Variants in AGO3 observed in about 807,000 individuals in gnomAD.
The protein encoded by AGO3 is protein argonaute-3.
A neutral mutation model predicts 105.5 loss-of-function variants in AGO3; 16 were observed. The ratio of observed to expected loss-of-function variants is 0.15; its 90% CI spans 0.10 to 0.23. The LOEUF (loss-of-function observed/expected upper bound fraction) is 0.23, where lower values mean the gene tolerates loss of function less well. AGO3 is among the 10% of genes least tolerant of loss of function. The pLI is 1.00. For missense variants in AGO3, 534 were observed against 1,088.0 expected (o/e 0.49, Z 7.16); for synonymous variants, 340 against 367.3 (o/e 0.93, Z 0.85).
At chr1:36,054,095 C>T (rs1231659948) in intron 17 of AGO3, among the ~76,000 whole-genome samples, 1 of 152,070 alleles carries the variant, frequency 6.6e-6, no homozygotes, top group African/African-American at 2.4e-5. Context: ...CCTCAGCCTC[C>T]CCAAAGTGCT....
Position 36,008,960 on chromosome 1 carries a change from A to G in AGO3, c.945A>G (p.Glu315=). Residue 315 remains glutamate (E), a synonymous_variant, in exon 8 of 19, where the codon GAA becomes GAG. Coordinates refer to ENST00000373191, the MANE Select transcript of AGO3 (RefSeq NM_024852.4). The surrounding 1 kb of genome is among the most constrained non-coding windows in gnomAD (Gnocchi z 5.1). ...GAACAGTAGCGCAGTATTTCAGAGA[A>G]AAGTATACTCTTCAGCTGAAGTACC... ...VERTVAQYFR[E]KYTLQLKYPH... 3 of 1,613,726 alleles carry G rather than the reference A, an allele frequency of 1.9e-6. No individual in the cohort carries two copies. Among genetic ancestry groups the G allele is most frequent in the Non-Finnish European group, 2.5e-6 (3 of 1,179,964 alleles).
intron 5 of AGO3, among the ~76,000 whole-genome samples, chr1:35,978,844 T>C (rs1646998559): frequency 1.3e-5 from 2 of 152,238 alleles, no homozygotes; most frequent in Non-Finnish European, 2.9e-5. Context: ...ATTATTTTTC[T>C]GGTGATCACT....
At chr1:35,982,790 GA>G (rs968292463) in intron 5 of AGO3, 433 of 500,172 alleles carry the variant, frequency 8.7e-4, no homozygotes, top group South Asian at 5.2e-4. Flanking sequence ...ACCATGTCCA[GA>G]AAAAAAAAAC....
intron 1 of AGO3, among the ~76,000 whole-genome samples, chr1:35,944,792 C>T (rs1385416547): frequency 1.3e-5 from 2 of 151,966 alleles, no homozygotes; most frequent in African/African-American, 2.4e-5. Context: ...ACGTGAGGCA[C>T]TGCACCCAGC....
At chr1:36,049,016 A>G (rs1051205949) in intron 17 of AGO3, among the ~76,000 whole-genome samples, 4 of 152,182 alleles carry the variant, frequency 2.6e-5, no homozygotes, top group Admixed American at 6.6e-5. Flanking sequence ...CACTGAATGA[A>G]TTTTTTAAAA....
At chr1:35,931,017 A>G (rs949261583), upstream of AGO3, 14 of 362,782 alleles carry the variant, frequency 3.9e-5, no homozygotes, top group Non-Finnish European at 4.9e-5. Context: ...TCGCTCCGGC[A>G]CGGCTCGGGG....
intron 5 of AGO3, among the ~76,000 whole-genome samples, chr1:35,977,111 T>A (rs1191725842): frequency 1.3e-5 from 2 of 151,766 alleles, no homozygotes; most frequent in African/African-American, 4.8e-5. Context: ...ATAATTGGAT[T>A]GTTGGTAACA....
intron 6 of AGO3, 90 bp downstream of exon 6, chr1:36,004,565 CTA>C: frequency 2.5e-6 from 3 of 1,184,246 alleles, no homozygotes; most frequent in Non-Finnish European, 3.3e-6. Flanking sequence ...TAATTAAAAT[CTA>C]TGTAACATAA....
intron 17 of AGO3, among the ~76,000 whole-genome samples, chr1:36,049,314 T>A (rs1642603869): frequency 6.6e-6 from 1 of 152,038 alleles, no homozygotes; most frequent in Non-Finnish European, 1.5e-5. Context: ...GGTCAAGAGA[T>A]CAAGACTGTC....
rs1038190242 is a variant in AGO3, at chr1:35,970,932, G to A, written c.313-1092G>A. 9.3e-5 allele frequency among the ~76,000 whole-genome samples: 14 copies of A among 150,922 alleles called. No individual in the cohort carries two copies. In the East Asian group the frequency reaches 2.7e-3, roughly 29 times the overall value. ...TGTAGAGACTAGGTCTTGCTCTGTT[G>A]CCTGGGTTGGTTTAAAATTCCCTGG... is the stretch of plus-strand genomic sequence containing the variant. On this transcript the variant is annotated intron_variant, in intron 3 of 18. Transcript: ENST00000373191.
In AGO3 at chr1:35,953,628, C is replaced by T. The variant is rs544922680; in HGVS notation, c.191+7765C>T. ...GCAACTTCCACCTCCCAGGTTCAAG[C>T]GATTCTCCTGCCTCAGCCTCCCAAG... On this transcript the variant is annotated intron_variant, in intron 2 of 18. Coordinates refer to ENST00000373191, the MANE Select transcript of AGO3 (RefSeq NM_024852.4). Among the ~76,000 whole-genome samples the T allele has an allele frequency of 2.5e-4, 37 of 150,336 alleles. No homozygotes were observed. In the East Asian group the frequency reaches 4.0e-3, roughly 16 times the overall value.
Position 36,064,178 on chromosome 1 carries a change from G to C in AGO3, c.*8433G>C, listed in dbSNP as rs189821159. 1 of 152,492 alleles carries C rather than the reference G, an allele frequency of 6.6e-6. No individual in the cohort carries two copies. Among genetic ancestry groups the C allele is most frequent in the Non-Finnish European group, 1.5e-5 (1 of 68,162 alleles). 9.4% of individuals were successfully genotyped at this position (152,492 alleles called of 1,614,324 possible). ...GCAGACCACCTGAGGTCAGGGGTTC[G>C]TGACCAGCCTGGCCAACATGGCGAA... On this transcript the variant is annotated 3_prime_UTR_variant, in exon 19 of 19. Coordinates refer to ENST00000373191, the MANE Select transcript of AGO3 (RefSeq NM_024852.4).
chr1:36,039,753 A>G (rs553698486), intron 14 of AGO3, 37 bp from the exon 15 acceptor site: 1 of 1,149,352 alleles, frequency 8.7e-7, no homozygotes. Context: ...ATTTATTTTT[A>G]TTTATTTATT....
intron 3 of AGO3, among the ~76,000 whole-genome samples, chr1:35,970,189 A>G (rs1436625695): frequency 6.6e-6 from 1 of 152,222 alleles, no homozygotes; most frequent in Non-Finnish European, 1.5e-5. Flanking sequence ...GCTGGGGTAT[A>G]TGTGCTTCTA....
intron 3 of AGO3, 64 bp downstream of exon 3, chr1:35,967,139 A>T: frequency 6.5e-7 from 1 of 1,540,756 alleles, no homozygotes; most frequent in South Asian, 1.2e-5. Flanking sequence ...ACACGCATTT[A>T]TTACCATTTT....
At chr1:35,952,390 A>G (rs1434611303) in intron 2 of AGO3, among the ~76,000 whole-genome samples, 1 of 151,450 alleles carries the variant, frequency 6.6e-6, no homozygotes, top group African/African-American at 2.4e-5. Context: ...TGATCTGCCT[A>G]CCTCGGCCTC....
intron 14 of AGO3, 37 bp from the exon 15 acceptor site, chr1:36,039,749 TTTTA>T (rs200239488): frequency 1.1e-4 from 126 of 1,173,320 alleles, no homozygotes; most frequent in Middle Eastern, 3.0e-4. Flanking sequence ...TATCATTTAT[TTTTA>T]TTTATTTATT....
At chr1:35,938,445 TCC>T (rs1646192391) in intron 1 of AGO3, among the ~76,000 whole-genome samples, 1 of 152,232 alleles carries the variant, frequency 6.6e-6, no homozygotes, top group South Asian at 2.1e-4. Flanking sequence ...CAGACATCCA[TCC>T]GTCTGTCCAT....
At position 36,057,213 on chromosome 1, in the gene AGO3, A is replaced by C. The variant is rs1642945103; in HGVS notation, c.*1468A>C. ...AAGGGTAAATATTTTAAAAGATTAG[A>C]GCTCTGTAGGGTTGAGACCTCTGAA... On this transcript the variant is annotated 3_prime_UTR_variant, in exon 19 of 19. Coordinates refer to ENST00000373191, the MANE Select transcript of AGO3 (RefSeq NM_024852.4). 1 of 152,134 alleles carries C rather than the reference A, an allele frequency of 6.6e-6. No homozygotes were observed. Among genetic ancestry groups the C allele is most frequent in the African/African-American group, 2.4e-5 (1 of 41,422 alleles). 9.4% of individuals were successfully genotyped at this position (152,134 alleles called of 1,614,324 possible). A position where few individuals can be genotyped will look rare whatever the true frequency, so the allele number is the denominator to read the frequency against.
Sources: allele counts gnomAD v4.1 joint callset (sites outside exome capture counted in the v4.1 genomes callset), GRCh38; gene constraint gnomAD v4.1.1; non-coding constraint Gnocchi (gnomAD v3.1); transcripts MANE v1.5; gene names NCBI Gene and HGNC (gene_info 2026-07-23, HGNC 2026-07-21).